Variants in BFSP2 observed in about 807,000 individuals in gnomAD.
The protein encoded by BFSP2 is beaded filament structural protein 2.
Under a neutral mutation model 44.9 loss-of-function variants are expected in BFSP2, and 38 were observed. That is an observed-to-expected ratio of 0.85 (90% CI 0.65 to 1.11). The LOEUF (loss-of-function observed/expected upper bound fraction) is 1.11. BFSP2 is among the 50% of genes least tolerant of loss of function. BFSP2 has a pLI of 0.00. For missense variants in BFSP2, 525 were observed against 533.0 expected (o/e 0.99, Z 0.15); for synonymous variants, 197 against 209.9 (o/e 0.94, Z 0.53).
At chr3:133,410,208 T>C (rs556456206) in intron 1 of BFSP2, 2 of 263,764 alleles carry the variant, frequency 7.6e-6, no homozygotes, top group East Asian at 2.7e-4. Flanking sequence ...GTACCACCTA[T>C]AACAGATGAA....
chr3:133,424,240 T>TGTGTGTGG (rs1559963476), intron 1 of BFSP2, among the ~76,000 whole-genome samples: 1 of 146,206 alleles, frequency 6.8e-6, no homozygotes, highest in African/African-American at 2.5e-5. Flanking sequence ...TTTTTTTTTT[T>TGTGTGTGG]TGTATTTTTA....
chr3:133,415,960 C>A (rs1468045210), intron 1 of BFSP2, among the ~76,000 whole-genome samples: 1 of 145,630 alleles, frequency 6.9e-6, no homozygotes, highest in Non-Finnish European at 1.5e-5. Context: ...CCTGACCTCT[C>A]CCCTCTGCTC....
intron 6 of BFSP2, 28 bp from the exon 7 acceptor site, chr3:133,474,941 C>T (rs1685385771): frequency 2.5e-6 from 4 of 1,614,038 alleles, no homozygotes; most frequent in Non-Finnish European, 3.4e-6. Flanking sequence ...TCACCCATTG[C>T]TTCTGACTCC....
Position 133,470,138 on chromosome 3 carries a change from A to C in BFSP2, c.1024-2207A>C, listed in dbSNP as rs2074148599. 2.0e-5 allele frequency among the ~76,000 whole-genome samples: 3 copies of C among 152,360 alleles called. No homozygotes were observed. In the South Asian group the frequency reaches 6.2e-4, roughly 32 times the overall value. Reference sequence around the variant, plus strand: ...AAGGTTTCCAGATTCTATTAGTTAAATAATAACCCTAGACCAGATACTGAT... The same window carrying C: ...AAGGTTTCCAGATTCTATTAGTTAACTAATAACCCTAGACCAGATACTGAT... On this transcript the variant is annotated intron_variant, in intron 5 of 6. Coordinates refer to ENST00000302334, the MANE Select transcript of BFSP2 (RefSeq NM_003571.4).
At chr3:133,420,639 G>A (rs1410379562) in intron 1 of BFSP2, among the ~76,000 whole-genome samples, 1 of 152,194 alleles carries the variant, frequency 6.6e-6, no homozygotes, top group East Asian at 1.9e-4. Context: ...CAGCAAGCAG[G>A]CATCCTCAGC....
chr3:133,424,220 T>TGTGTGTGTG (rs1553778827), intron 1 of BFSP2, among the ~76,000 whole-genome samples: 12 of 62,798 alleles, frequency 1.9e-4, no homozygotes, highest in African/African-American at 5.3e-4. Flanking sequence ...TAATTTTTTT[T>TGTGTGTGTG]TTTTTTTTTT....
At chr3:133,416,282 C>G (rs1241525943) in intron 1 of BFSP2, among the ~76,000 whole-genome samples, 1 of 146,374 alleles carries the variant, frequency 6.8e-6, no homozygotes, top group Non-Finnish European at 1.5e-5. Context: ...CACCCCTGTC[C>G]TCTGCCCTCT....
rs143598413 is a variant in BFSP2 at position 133,433,707 on chromosome 3, C to G, written c.490-13610C>G. ...TGATAACAGACCAGCCTTTATTAGT[C>G]AAATCAGCCAAGCATTTTTTCAGGC... On this transcript the variant is annotated intron_variant, in intron 1 of 6. Coordinates refer to ENST00000302334, the MANE Select transcript of BFSP2 (RefSeq NM_003571.4). Among the ~76,000 whole-genome samples the G allele has an allele frequency of 7.1e-3, 1,084 of 152,296 alleles. 15 individuals are homozygous for G. Among genetic ancestry groups the G allele is most frequent in the East Asian group, 0.064 (334 of 5,186 alleles).
chr3:133,410,683 G>A, intron 1 of BFSP2: 1 of 259,284 alleles, frequency 3.9e-6, no homozygotes, highest in South Asian at 5.8e-5. Flanking sequence ...CAGCCCGTGG[G>A]CGGACAGGAG....
intron 1 of BFSP2, among the ~76,000 whole-genome samples, chr3:133,427,320 G>A (rs760476951): frequency 1.2e-4 from 18 of 152,212 alleles, no homozygotes; most frequent in Non-Finnish European, 8.8e-5. Flanking sequence ...GTATCCTCTA[G>A]ATCCTCACAG....
chr3:133,460,335 A>G (rs1295870513), intron 4 of BFSP2, among the ~76,000 whole-genome samples: 1 of 152,250 alleles, frequency 6.6e-6, no homozygotes, highest in African/African-American at 2.4e-5. Flanking sequence ...CTAGGATTCA[A>G]ATTACACATT....
intron 1 of BFSP2, among the ~76,000 whole-genome samples, chr3:133,432,773 C>G (rs541277245): frequency 6.6e-6 from 1 of 152,182 alleles, no homozygotes; most frequent in Non-Finnish European, 1.5e-5. Flanking sequence ...CGACTAATCT[C>G]TCAAACCCCA....
intron 6 of BFSP2, among the ~76,000 whole-genome samples, 198 bp from the exon 7 acceptor site, chr3:133,474,771 A>G (rs1247067751): frequency 1.3e-5 from 2 of 152,226 alleles, no homozygotes; most frequent in African/African-American, 4.8e-5. Context: ...GAGACAGGAA[A>G]CAAAGCCTCA....
At chr3:133,405,539 C>A (rs1214306548) in intron 1 of BFSP2, among the ~76,000 whole-genome samples, 3 of 151,740 alleles carry the variant, frequency 2.0e-5, no homozygotes, top group Non-Finnish European at 4.4e-5. Context: ...AAAAAAAAAA[C>A]AAGAACTAAT....
At chr3:133,419,920 C>T (rs1322165518) in intron 1 of BFSP2, among the ~76,000 whole-genome samples, 4 of 152,244 alleles carry the variant, frequency 2.6e-5, no homozygotes, top group African/African-American at 9.6e-5. Flanking sequence ...CAAACCACTC[C>T]GCCACAGGAG....
intron 1 of BFSP2, among the ~76,000 whole-genome samples, chr3:133,407,973 C>A (rs2073417934): frequency 6.6e-6 from 1 of 151,902 alleles, no homozygotes; most frequent in Admixed American, 6.6e-5. Flanking sequence ...AAAAATTTTT[C>A]TTGTTACAAT....
chr3:133,466,755 GA>G, intron 4 of BFSP2, 72 bp from the exon 5 acceptor site: 1 of 1,524,882 alleles, frequency 6.6e-7, no homozygotes. Context: ...GTGGTGATTA[GA>G]AAGGCTGGGA....
chr3:133,471,408 G>C (rs142499581), intron 5 of BFSP2, among the ~76,000 whole-genome samples: 69 of 152,306 alleles, frequency 4.5e-4, no homozygotes, highest in African/African-American at 1.7e-3. Flanking sequence ...AGGAAGGAAA[G>C]CAGGAACACA....
chr3:133,421,444 G>A (rs988799393), intron 1 of BFSP2, among the ~76,000 whole-genome samples: 2 of 152,208 alleles, frequency 1.3e-5, no homozygotes, highest in East Asian at 1.9e-4. Context: ...TCCTTGGCCC[G>A]TAGATGCATC....
Sources: gnomAD v4.1 joint callset for allele counts (sites outside exome capture counted in the v4.1 genomes callset) on GRCh38, gnomAD v4.1.1 for gene constraint, MANE v1.5 for transcripts, NCBI Gene and HGNC (gene_info 2026-07-23, HGNC 2026-07-21) for gene names.